Variants in ULK4 observed in about 807,000 individuals in gnomAD.
ULK4 encodes the protein inactive serine/threonine-protein kinase ULK4.
ULK4 carries 133 observed loss-of-function variants against 160.6 expected under a neutral mutation model. That is an observed-to-expected ratio of 0.83 (90% CI 0.72 to 0.96). The LOEUF is 0.96. ULK4 is among the 40% of genes least tolerant of loss of function. The probability of loss-of-function intolerance (pLI) is 0.00; values close to 1 mark genes in which losing one functional copy is unlikely to be tolerated. For missense variants in ULK4, 1,580 were observed against 1,499.5 expected, an observed-to-expected ratio of 1.05 and a Z score of -0.89; for synonymous variants, 534 against 539.8, an observed-to-expected ratio of 0.99 and a Z score of 0.15.
At chr3:41,272,312 A>C (rs1422183325) in intron 35 of ULK4, among the ~76,000 whole-genome samples, 1 of 150,310 alleles carries the variant, frequency 6.7e-6, no homozygotes, top group African/African-American at 2.5e-5. Flanking sequence ...TGTATACCTG[A>C]AAATGTCTTT....
At chr3:41,640,921 G>C (rs914292968) in intron 30 of ULK4, among the ~76,000 whole-genome samples, 1 of 152,204 alleles carries the variant, frequency 6.6e-6, no homozygotes, top group African/African-American at 2.4e-5. Flanking sequence ...CTCAGAGCTT[G>C]CCATCTATTT....
intron 29 of ULK4, among the ~76,000 whole-genome samples, chr3:41,672,683 T>C (rs1308891814): frequency 6.6e-6 from 1 of 152,128 alleles, no homozygotes; most frequent in East Asian, 1.9e-4. Context: ...ACTTTTAAAA[T>C]AGCTAAAAGA....
intron 12 of ULK4, among the ~76,000 whole-genome samples, chr3:41,905,150 CAG>C (rs768661933): frequency 2.0e-4 from 30 of 152,290 alleles, no homozygotes; most frequent in Admixed American, 3.9e-4. Flanking sequence ...GAATAGATAA[CAG>C]AACAGAATCC....
chr3:41,380,397 C>T (rs2081621199), intron 35 of ULK4, among the ~76,000 whole-genome samples: 1 of 152,150 alleles, frequency 6.6e-6, no homozygotes, highest in Admixed American at 6.5e-5. Context: ...TTTAGAATCA[C>T]TGATAAAGCC....
At chr3:41,831,818 TGTTA>T (rs2125648238) in intron 18 of ULK4, among the ~76,000 whole-genome samples, 1 of 152,130 alleles carries the variant, frequency 6.6e-6, no homozygotes, top group Admixed American at 6.6e-5. Context: ...TCTGTTCCTG[TGTTA>T]GTTTGCTGAG....
At chr3:41,614,898 G>T (rs374983941) in intron 31 of ULK4, among the ~76,000 whole-genome samples, 103 of 152,264 alleles carry the variant, frequency 6.8e-4, no homozygotes, top group African/African-American at 2.3e-3. Context: ...TCTGGCTGGG[G>T]AAGTGCCCCC....
chr3:41,400,270 T>C (rs1314782932), intron 34 of ULK4, among the ~76,000 whole-genome samples: 1 of 152,118 alleles, frequency 6.6e-6, no homozygotes, highest in Non-Finnish European at 1.5e-5. Flanking sequence ...TGTAACTTAA[T>C]CACATGTGTA....
intron 35 of ULK4, among the ~76,000 whole-genome samples, chr3:41,255,049 A>G (rs2078808034): frequency 6.6e-6 from 1 of 151,776 alleles, no homozygotes; most frequent in East Asian, 1.9e-4. Flanking sequence ...TCCAAGTAAA[A>G]GATTTCAAGC....
intron 27 of ULK4, among the ~76,000 whole-genome samples, chr3:41,701,409 A>G (rs1177914157): frequency 6.6e-6 from 1 of 152,212 alleles, no homozygotes; most frequent in African/African-American, 2.4e-5. Context: ...AATGGCAACA[A>G]TTCAGAACAT....
rs1176655595 is a variant in ULK4 at position 41,899,621 on chromosome 3, GTTT to G, written c.1287+1101_1287+1103del. On this transcript the variant is annotated intron_variant, in intron 13 of 36. Coordinates refer to ENST00000301831, the MANE Select transcript of ULK4 (RefSeq NM_017886.4). ...AAGATTTTTTTTTGCAATTTTTTTT[GTTT>G]TTTAGTTCATCAGCTATCGTTAGTG... Among the ~76,000 whole-genome samples the G allele has an allele frequency of 2.0e-5, 3 of 151,828 alleles. No homozygotes were observed. In the East Asian group the frequency reaches 5.8e-4, roughly 29 times the overall value.
At chr3:41,499,503 G>C (rs957810455) in intron 32 of ULK4, among the ~76,000 whole-genome samples, 5 of 152,122 alleles carry the variant, frequency 3.3e-5, no homozygotes, top group African/African-American at 1.2e-4. Flanking sequence ...AATTTTTATT[G>C]ATCGGCACAA....
intron 35 of ULK4, among the ~76,000 whole-genome samples, chr3:41,359,023 G>T (rs1262631556): frequency 1.3e-5 from 2 of 152,226 alleles, no homozygotes; most frequent in Non-Finnish European, 2.9e-5. Flanking sequence ...GGGGTGGAGT[G>T]TGAGAGAGGG....
At chr3:41,634,917 TAAG>T (rs1314158024) in intron 30 of ULK4, among the ~76,000 whole-genome samples, 1 of 152,044 alleles carries the variant, frequency 6.6e-6, no homozygotes, top group Non-Finnish European at 1.5e-5. Flanking sequence ...AAAAGAAGAA[TAAG>T]AAGAAACTGA....
intron 35 of ULK4, among the ~76,000 whole-genome samples, chr3:41,319,365 A>G (rs1311923361): frequency 1.3e-5 from 2 of 152,216 alleles, no homozygotes; most frequent in South Asian, 2.1e-4. Context: ...CAATGGCTCA[A>G]AAAGGCTAAA....
intron 4 of ULK4, among the ~76,000 whole-genome samples, 187 bp downstream of exon 4, chr3:41,935,614 G>A (rs1400358517): frequency 2.6e-5 from 4 of 152,060 alleles, no homozygotes; most frequent in Admixed American, 6.6e-5. Context: ...GCCCGCCTCA[G>A]CCTCCCAAAG....
At position 41,691,243 on chromosome 3, in the gene ULK4, G is replaced by T. The variant is rs546468983; in HGVS notation, c.2782-9439C>A. Among the ~76,000 whole-genome samples, 203 of 151,924 alleles carry T rather than the reference G, an allele frequency of 1.3e-3. 4 individuals carry two copies. The highest frequency in any genetic ancestry group is 2.2e-3 in the Non-Finnish European group (151 of 67,900). Reference sequence around the variant, plus strand: ...GCACATGCAGCCCCTGCCAAGTTCTGGAGGCCCCTGCACATACGAACAACC... The same window carrying T: ...GCACATGCAGCCCCTGCCAAGTTCTTGAGGCCCCTGCACATACGAACAACC... On this transcript the variant is annotated intron_variant, in intron 27 of 36. Transcript: ENST00000301831.
chr3:41,660,417 A>C (rs2035111283), intron 30 of ULK4, among the ~76,000 whole-genome samples: 1 of 152,232 alleles, frequency 6.6e-6, no homozygotes, highest in Non-Finnish European at 1.5e-5. Context: ...TAAACAGAGA[A>C]AGAAATGAGA....
Position 41,884,031 on chromosome 3 carries a change from A to G in ULK4, c.1578-79T>C, listed in dbSNP as rs922945386. ...CTAATCCCAGCTAGTTACATTATGC[A>G]ATGATGAGCATTAGATATAAGACTG... On this transcript the variant is annotated intron_variant, in intron 16 of 36. Transcript: ENST00000301831. 7 of 977,350 alleles carry G rather than the reference A, an allele frequency of 7.2e-6. No individual in the cohort carries two copies. The African/African-American group carries it at 1.1e-4, about 15-fold the overall frequency. 60.5% of individuals were successfully genotyped at this position (977,350 alleles called of 1,614,324 possible). A position where few individuals can be genotyped will look rare whatever the true frequency, so the allele number is the denominator to read the frequency against.
intron 32 of ULK4, among the ~76,000 whole-genome samples, chr3:41,483,429 T>G (rs1008624107): frequency 6.6e-6 from 1 of 152,116 alleles, no homozygotes; most frequent in Non-Finnish European, 1.5e-5. Flanking sequence ...ATGCATACTG[T>G]TTCCACCCCC....
Sources: gnomAD v4.1 joint callset for allele counts (sites outside exome capture counted in the v4.1 genomes callset) on GRCh38, gnomAD v4.1.1 for gene constraint, MANE v1.5 for transcripts, NCBI Gene and HGNC (gene_info 2026-07-23, HGNC 2026-07-21) for gene names.